Variants in SCN2A observed in about 807,000 individuals in gnomAD.
SCN2A encodes sodium channel protein type 2 subunit alpha.
A neutral mutation model predicts 188.7 loss-of-function variants in SCN2A; 20 were observed. The observed-to-expected ratio is 0.11, with a 90% CI of 0.07 to 0.15. The LOEUF (loss-of-function observed/expected upper bound fraction) is 0.15, where lower values mean the gene tolerates loss of function less well. SCN2A is among the 10% of genes least tolerant of loss of function. The pLI is 1.00. For synonymous variants in SCN2A, 804 were observed against 833.1 expected (o/e 0.97, Z 0.60); for missense variants, 1,278 against 2,445.0 (o/e 0.52, Z 10.07).
rs758716629 is a variant in SCN2A, at chr2:165,308,672, C to T, written c.483C>T (p.Thr161=). 2 of 1,611,344 alleles carry T rather than the reference C, an allele frequency of 1.2e-6. No individual in the cohort carries two copies. Among genetic ancestry groups the T allele is most frequent in the Non-Finnish European group, 1.7e-6 (2 of 1,178,022 alleles). ...CTTGGCTATTTTCTCTCAGGTATAC[C>T]TTTACAGGAATTTATACTTTTGAAT... The part of the protein sequence containing the change: ...PPDWTKNVEY[T]FTGIYTFESL... The change falls in exon 5 of 27, where the codon ACC becomes ACT. Residue 161 remains threonine, a synonymous_variant. Transcript: ENST00000375437.
chr2:165,243,716 A>T (rs773014773), intron 1 of SCN2A: 4 of 152,008 alleles, frequency 2.6e-5, no homozygotes, highest in Non-Finnish European at 5.9e-5. Flanking sequence ...CAGTTACAGA[A>T]TCCTCTTGGG....
chr2:165,368,119 A>C (rs904916856), intron 19 of SCN2A, among the ~76,000 whole-genome samples: 1 of 152,174 alleles, frequency 6.6e-6, no homozygotes, highest in Non-Finnish European at 1.5e-5. Flanking sequence ...TGCCAGCGAA[A>C]GTGGCTCTCA....
At chr2:165,294,875 C>T (rs540238489) in intron 1 of SCN2A, among the ~76,000 whole-genome samples, 63 of 152,196 alleles carry the variant, frequency 4.1e-4, no homozygotes, top group Middle Eastern at 3.4e-3. Flanking sequence ...GATAAACTAT[C>T]GTAAACTTAT....
At chr2:165,373,199 A>G in intron 20 of SCN2A, 26 bp from the exon 21 acceptor site, 1 of 1,611,994 alleles carries the variant, frequency 6.2e-7, no homozygotes, top group South Asian at 1.1e-5. Context: ...TGTAAATAAG[A>G]AAATTGTGTT....
chr2:165,317,562 TCTC>T (rs2105264359), intron 11 of SCN2A, among the ~76,000 whole-genome samples: 1 of 152,244 alleles, frequency 6.6e-6, no homozygotes, highest in South Asian at 2.1e-4. Context: ...CCACAGAGAT[TCTC>T]TTCAATTTGC....
chr2:165,264,170 C>T (rs1165163752), intron 1 of SCN2A, among the ~76,000 whole-genome samples: 1 of 151,974 alleles, frequency 6.6e-6, no homozygotes, highest in African/African-American at 2.4e-5. Context: ...CTAAAACTTC[C>T]AATACTATGT....
In SCN2A at chr2:165,350,489, T is replaced by G. The variant is rs1699839777; in HGVS notation, c.2920-3703T>G. On this transcript the variant is annotated intron_variant, in intron 16 of 26. Coordinates refer to ENST00000375437, the MANE Select transcript of SCN2A (RefSeq NM_001040142.2). ...CTTTTTTTTTTTTTTTTTTTTTTTT[T>G]TGAGACGGAGTCTCGCTCTGTCGCC... Among the ~76,000 whole-genome samples, 4 of 98,060 alleles carry G rather than the reference T, an allele frequency of 4.1e-5. No individual in the cohort carries two copies. In the Admixed American group the frequency reaches 4.4e-4, roughly 11 times the overall value. The allele number at this position is 98,060 out of a possible 152,430, so 64.3% of individuals were successfully genotyped here.
At position 165,295,308 on chromosome 2, in the gene SCN2A, C is replaced by T. The variant is rs571308334; in HGVS notation, c.-51-465C>T. Among the ~76,000 whole-genome samples the T allele has an allele frequency of 3.9e-5, 6 of 152,310 alleles. No homozygotes were observed. In the South Asian group the frequency reaches 6.2e-4, roughly 16 times the overall value. On this transcript the variant is annotated intron_variant, in intron 1 of 26. Coordinates refer to ENST00000375437, the MANE Select transcript of SCN2A (RefSeq NM_001040142.2). The stretch of plus-strand genomic sequence containing the variant: ...ATGTGATAAAGTGAGCCAAAGGGCA[C>T]GTGCAAAGACTTGGAGAGATATGTG...
chr2:165,350,825 G>A (rs765281984), intron 16 of SCN2A, among the ~76,000 whole-genome samples: 1 of 152,086 alleles, frequency 6.6e-6, no homozygotes, highest in Admixed American at 6.6e-5. Flanking sequence ...CAGCTGTTAT[G>A]CGCATACCCT....
intron 16 of SCN2A, among the ~76,000 whole-genome samples, chr2:165,345,483 C>CT (rs1699527875): frequency 6.6e-6 from 1 of 151,470 alleles, no homozygotes; most frequent in South Asian, 2.1e-4. Flanking sequence ...CTTTCTTTGT[C>CT]TTTTTTTAAT....
At chr2:165,268,618 A>C (rs1694976653) in intron 1 of SCN2A, 1 of 152,464 alleles carries the variant, frequency 6.6e-6, no homozygotes, top group Non-Finnish European at 1.5e-5. Flanking sequence ...CCCCCTGAGA[A>C]CTGGAACAAG....
chr2:165,361,351 A>G (rs1322797346), intron 17 of SCN2A, among the ~76,000 whole-genome samples: 5 of 152,040 alleles, frequency 3.3e-5, no homozygotes. Context: ...CAATATCATA[A>G]GCACTATCTT....
At chr2:165,373,576 C>T (rs1701156056) in intron 21 of SCN2A, among the ~76,000 whole-genome samples, 1 of 152,096 alleles carries the variant, frequency 6.6e-6, no homozygotes, top group South Asian at 2.1e-4. Flanking sequence ...GCTAGATTTT[C>T]ACTTCTTGGA....
intron 1 of SCN2A, among the ~76,000 whole-genome samples, chr2:165,254,600 A>G (rs1186704011): frequency 6.6e-6 from 1 of 151,708 alleles, no homozygotes; most frequent in East Asian, 1.9e-4. Context: ...GTGGTTTTGC[A>G]TATTTCTTTT....
chr2:165,261,583 G>T (rs1317563724), intron 1 of SCN2A, among the ~76,000 whole-genome samples: 1 of 152,190 alleles, frequency 6.6e-6, no homozygotes, highest in Non-Finnish European at 1.5e-5. Context: ...ATAAAATAAG[G>T]TGAATCACCT....
At chr2:165,262,724 T>C (rs563057259) in intron 1 of SCN2A, among the ~76,000 whole-genome samples, 10 of 152,192 alleles carry the variant, frequency 6.6e-5, no homozygotes, top group Non-Finnish European at 1.2e-4. Context: ...TGTGCAATTA[T>C]CTTTTTCGTA....
chr2:165,334,976 C>T (rs1242955723), intron 14 of SCN2A, among the ~76,000 whole-genome samples: 1 of 151,092 alleles, frequency 6.6e-6, no homozygotes, highest in Non-Finnish European at 1.5e-5. Flanking sequence ...AATGAACAAT[C>T]AGAAAATAAA....
At chr2:165,286,615 C>G (rs1353582692) in intron 1 of SCN2A, among the ~76,000 whole-genome samples, 1 of 152,170 alleles carries the variant, frequency 6.6e-6, no homozygotes, top group South Asian at 2.1e-4. Context: ...CCTCACAGGC[C>G]TAGACTTTGG....
At chr2:165,349,698 T>C (rs1413563919) in intron 16 of SCN2A, among the ~76,000 whole-genome samples, 1 of 152,198 alleles carries the variant, frequency 6.6e-6, no homozygotes, top group Non-Finnish European at 1.5e-5. Context: ...TTCTCCTTTC[T>C]TTTTGACTAT....
Sources: allele counts gnomAD v4.1 joint callset (sites outside exome capture counted in the v4.1 genomes callset), GRCh38; gene constraint gnomAD v4.1.1; transcripts MANE v1.5; gene names NCBI Gene and HGNC (gene_info 2026-07-23, HGNC 2026-07-21).